Variants in BRD10 observed in about 807,000 individuals in gnomAD.
BRD10 encodes uncharacterized bromodomain-containing protein 10.
At chr9:5,919,778 G>C in the BRD10 span, 1 of 1,613,768 alleles carries the variant, frequency 6.2e-7, no homozygotes. Flanking sequence ...AACAATCTGA[G>C]AGAGAGATGG....
chr9:5,926,256 C>T, the BRD10 span, among the ~76,000 whole-genome samples: 19 of 152,172 alleles, frequency 1.2e-4, no homozygotes, highest in East Asian at 2.1e-3. Context: ...CTTATTTGTG[C>T]ACATTAGATT....
the BRD10 span, among the ~76,000 whole-genome samples, chr9:5,979,231 T>C: frequency 6.6e-6 from 1 of 152,324 alleles, no homozygotes; most frequent in African/African-American, 2.4e-5. Flanking sequence ...AAATACACAC[T>C]GGCTGGGCAT....
chr9:5,915,571 C>T, the BRD10 span, among the ~76,000 whole-genome samples: 1 of 152,166 alleles, frequency 6.6e-6, no homozygotes, highest in South Asian at 2.1e-4. Context: ...CATTCAAATT[C>T]AACTGCTGTG....
At chr9:5,921,049 T>C in the BRD10 span, 1 of 1,613,950 alleles carries the variant, frequency 6.2e-7, no homozygotes, top group African/African-American at 1.3e-5. Flanking sequence ...GCACATTTAC[T>C]GCTCTTGCTG....
the BRD10 span, among the ~76,000 whole-genome samples, chr9:5,930,862 T>C: frequency 6.6e-6 from 1 of 152,192 alleles, no homozygotes; most frequent in African/African-American, 2.4e-5. Context: ...AACTATTAAA[T>C]GATACATTAT....
the BRD10 span, among the ~76,000 whole-genome samples, chr9:5,992,908 A>C: frequency 8.5e-6 from 1 of 118,196 alleles, no homozygotes; most frequent in East Asian, 2.2e-4. Flanking sequence ...TAGATGTTTG[A>C]ACACTTTTGC....
chr9:5,916,989 T>A, the BRD10 span, among the ~76,000 whole-genome samples: 1 of 152,188 alleles, frequency 6.6e-6, no homozygotes, highest in East Asian at 1.9e-4. Flanking sequence ...AAGATATAAA[T>A]CCATTAATCG....
At chr9:5,916,035 T>TG in the BRD10 span, among the ~76,000 whole-genome samples, 1 of 152,240 alleles carries the variant, frequency 6.6e-6, no homozygotes, top group Non-Finnish European at 1.5e-5. Flanking sequence ...TTCTAAACTA[T>TG]GCTATACCCT....
chr9:5,880,379 G>A, the BRD10 span, among the ~76,000 whole-genome samples: 3 of 152,032 alleles, frequency 2.0e-5, no homozygotes, highest in South Asian at 6.2e-4. Context: ...GGGCGTCATG[G>A]CACGCGCCTG....
At chr9:5,899,379 T>A in the BRD10 span, 2 of 152,172 alleles carry the variant, frequency 1.3e-5, no homozygotes, top group Non-Finnish European at 2.9e-5. Context: ...CAGTCTCATG[T>A]CTCATGTCTC....
chr9:5,930,540 T>C, the BRD10 span, among the ~76,000 whole-genome samples: 5 of 152,044 alleles, frequency 3.3e-5, no homozygotes, highest in African/African-American at 4.8e-5. Context: ...GGTTTTTATA[T>C]CTTAGAAGAG....
chr9:5,953,976 A>T, the BRD10 span: 15 of 1,289,706 alleles, frequency 1.2e-5, no homozygotes, highest in Non-Finnish European at 1.6e-5. Context: ...ACACTGAAAC[A>T]AAAAATTGAA....
At chr9:5,944,838 A>T in the BRD10 span, 1 of 1,063,420 alleles carries the variant, frequency 9.4e-7, no homozygotes, top group East Asian at 2.8e-5. Context: ...TAATGCTGAC[A>T]ATAATAGATA....
At chr9:5,952,762 C>T in the BRD10 span, among the ~76,000 whole-genome samples, 2 of 152,038 alleles carry the variant, frequency 1.3e-5, no homozygotes, top group Non-Finnish European at 2.9e-5. Flanking sequence ...AAACAAAAGT[C>T]GGAGAAATAG....
At chr9:6,007,120 C>T in the BRD10 span, 11 of 1,470,742 alleles carry the variant, frequency 7.5e-6, no homozygotes, top group South Asian at 2.5e-5. Context: ...GCCCCTGGCC[C>T]AGCCCATCCT....
chr9:5,902,045 C>T, the BRD10 span, among the ~76,000 whole-genome samples: 9 of 152,082 alleles, frequency 5.9e-5, no homozygotes, highest in African/African-American at 1.9e-4. Flanking sequence ...AAAGTATTCC[C>T]TTTGCTTCTA....
At chr9:5,880,409 G>A in the BRD10 span, among the ~76,000 whole-genome samples, 1 of 151,874 alleles carries the variant, frequency 6.6e-6, no homozygotes, top group South Asian at 2.1e-4. Context: ...CTACTCAGGA[G>A]GCTGATGCAG....
chr9:5,942,697 G>C, the BRD10 span, among the ~76,000 whole-genome samples: 63 of 152,214 alleles, frequency 4.1e-4, no homozygotes, highest in Admixed American at 7.2e-4. Context: ...ACAGTTCCAA[G>C]AATTTCTACT....
chr9:5,971,577 A>T, the BRD10 span, among the ~76,000 whole-genome samples: 1 of 152,256 alleles, frequency 6.6e-6, no homozygotes, highest in African/African-American at 2.4e-5. Flanking sequence ...TCTTTTATAG[A>T]ACAGCCTACT....
Sources: allele counts gnomAD v4.1 joint callset (sites outside exome capture counted in the v4.1 genomes callset), GRCh38; gene constraint gnomAD v4.1.1; transcripts MANE v1.5; gene names NCBI Gene and HGNC (gene_info 2026-07-23, HGNC 2026-07-21).